STK32B: variants seen among roughly 807,000 people sequenced by gnomAD.
The protein encoded by STK32B is serine/threonine kinase 32B, also known as serine/threonine-protein kinase 32B.
In STK32B, 43 loss-of-function variants were observed where a neutral mutation model predicts 52.6. The observed-to-expected ratio is 0.82, with a 90% CI of 0.64 to 1.05. STK32B has a LOEUF of 1.05. Ranked by LOEUF, STK32B falls within the 50% of genes least tolerant of loss-of-function variation. The pLI is 0.00. For missense variants in STK32B, 621 were observed against 534.6 expected (o/e 1.16, Z -1.59); for synonymous variants, 238 against 204.3 (o/e 1.17, Z -1.41).
chr4:5,259,960 A>G (rs1726589597), intron 3 of STK32B, among the ~76,000 whole-genome samples: 3 of 151,880 alleles, frequency 2.0e-5, no homozygotes, highest in African/African-American at 7.3e-5. Context: ...GAGTTTCCAC[A>G]CTGAGGAGCA....
At chr4:5,446,879 C>T in intron 7 of STK32B, 103 bp downstream of exon 7, 2 of 1,106,190 alleles carry the variant, frequency 1.8e-6, no homozygotes, top group Non-Finnish European at 2.7e-6. Flanking sequence ...CAGGAAGGAG[C>T]ACTGGGGGAG....
At position 5,399,960 on chromosome 4, in the gene STK32B, G is replaced by C. The variant is rs541296636; in HGVS notation, c.472+1716G>C. On this transcript the variant is annotated intron_variant, in intron 5 of 11. Transcript: ENST00000282908. This position sits in a 1 kb window ranked among gnomAD's most constrained non-coding sequence, Gnocchi z 5.4. ...TTAGCTGTCTGGAAAGCAGGGGTCTGGAAGGCTGGGTTCCAGGCAGCATCC... is the reference window on the plus strand; with the variant it reads ...TTAGCTGTCTGGAAAGCAGGGGTCTCGAAGGCTGGGTTCCAGGCAGCATCC... 2.6e-5 allele frequency among the ~76,000 whole-genome samples: 4 copies of C among 152,330 alleles called. No homozygotes were observed. Among genetic ancestry groups the C allele is most frequent in the African/African-American group, 9.6e-5 (4 of 41,572 alleles).
intron 3 of STK32B, among the ~76,000 whole-genome samples, chr4:5,309,948 C>T (rs943717887): frequency 5.9e-5 from 9 of 152,050 alleles, no homozygotes; most frequent in African/African-American, 2.2e-4. Flanking sequence ...AGTGGATCAC[C>T]TGAGGTCAGG....
chr4:5,110,272 C>CAAAAAAAAAAAAAAA (rs367760309), intron 1 of STK32B, among the ~76,000 whole-genome samples: 1 of 106,720 alleles, frequency 9.4e-6, no homozygotes, highest in Non-Finnish European at 1.9e-5. Flanking sequence ...CATATGGAAC[C>CAAAAAAAAAAAAAAA]AAAAAAAAAA....
In STK32B at chr4:5,436,546, A is replaced by C. The variant is rs558905740; in HGVS notation, c.563-10127A>C. ...GTCAGCAGTGAGAAGGACAGATTGG[A>C]GGTCTCTCTGGGTCCAGAGGCCCAG... On this transcript the variant is annotated intron_variant, in intron 6 of 11. Coordinates refer to ENST00000282908, the MANE Select transcript of STK32B (RefSeq NM_018401.3). 65 of 972,790 alleles carry C rather than the reference A, an allele frequency of 6.7e-5. 2 individuals carry two copies. In the South Asian group the frequency reaches 2.8e-3, roughly 41 times the overall value. 60.3% of individuals were successfully genotyped at this position (972,790 alleles called of 1,614,324 possible).
intron 1 of STK32B, among the ~76,000 whole-genome samples, chr4:5,134,030 A>G (rs1224848981): frequency 1.3e-5 from 2 of 152,166 alleles, no homozygotes; most frequent in African/African-American, 4.8e-5. Context: ...CTCTCTCCCC[A>G]TCAACAGATA....
chr4:5,170,434 T>C (rs1029267242), intron 3 of STK32B, among the ~76,000 whole-genome samples: 2 of 152,170 alleles, frequency 1.3e-5, no homozygotes, highest in African/African-American at 4.8e-5. Flanking sequence ...ACATTAGGTA[T>C]ATCTCCTAAT....
At chr4:5,277,940 G>GT (rs1727940611) in intron 3 of STK32B, among the ~76,000 whole-genome samples, 1 of 152,160 alleles carries the variant, frequency 6.6e-6, no homozygotes, top group South Asian at 2.1e-4. Flanking sequence ...GAATAAATGA[G>GT]TGAGTGACCT....
intron 3 of STK32B, among the ~76,000 whole-genome samples, chr4:5,204,913 T>A (rs1722449627): frequency 6.6e-6 from 1 of 152,222 alleles, no homozygotes; most frequent in African/African-American, 2.4e-5. Context: ...GTCTACAGAT[T>A]GCTGCAATAG....
chr4:5,210,334 C>T (rs886111343), intron 3 of STK32B, among the ~76,000 whole-genome samples: 2 of 152,124 alleles, frequency 1.3e-5, no homozygotes, highest in Admixed American at 6.6e-5. Context: ...TGCCCTTCCC[C>T]ATCTCCTCGG....
At chr4:5,249,082 AAAAAAT>A (rs869128168) in intron 3 of STK32B, among the ~76,000 whole-genome samples, 1 of 150,002 alleles carries the variant, frequency 6.7e-6, no homozygotes, top group East Asian at 2.0e-4. Flanking sequence ...TATGATAATA[AAAAAAT>A]AAAATAAAGA....
intron 11 of STK32B, among the ~76,000 whole-genome samples, chr4:5,479,277 G>A (rs891834841): frequency 6.6e-6 from 1 of 151,676 alleles, no homozygotes; most frequent in Non-Finnish European, 1.5e-5. Flanking sequence ...CCACCACCAC[G>A]CCCAGCTAAT....
chr4:5,151,126 T>A (rs891902393), intron 2 of STK32B, among the ~76,000 whole-genome samples: 1 of 152,180 alleles, frequency 6.6e-6, no homozygotes, highest in Non-Finnish European at 1.5e-5. Context: ...AAGGTCTATT[T>A]CTAAGTTGCT....
chr4:5,273,752 A>C (rs1295856383), intron 3 of STK32B, among the ~76,000 whole-genome samples: 12 of 138,872 alleles, frequency 8.6e-5, no homozygotes, highest in Non-Finnish European at 1.7e-4. Flanking sequence ...ACAAAAAACC[A>C]AACACCACAT....
Position 5,460,324 on chromosome 4 carries a change from G to C in STK32B, c.909+96G>C, listed in dbSNP as rs1716936635. The C allele has an allele frequency of 1.3e-6, 2 of 1,509,194 alleles. No homozygotes were observed. Among genetic ancestry groups the C allele is most frequent in the Non-Finnish European group, 1.8e-6 (2 of 1,126,064 alleles). 93.5% of individuals were successfully genotyped at this position (1,509,194 alleles called of 1,614,324 possible). A position where few individuals can be genotyped will look rare whatever the true frequency, so the allele number is the denominator to read the frequency against. The stretch of plus-strand genomic sequence containing the variant: ...TTGGCAGCTGGCTAGTGAGCCCTCT[G>C]CTGGCCACTTCCACCTGAGCACCAA... On this transcript the variant is annotated intron_variant, in intron 9 of 11. Coordinates refer to ENST00000282908, the MANE Select transcript of STK32B (RefSeq NM_018401.3). This position sits in a 1 kb window ranked among gnomAD's most constrained non-coding sequence, Gnocchi z 4.8.
chr4:5,256,909 G>T (rs1726340686), intron 3 of STK32B, among the ~76,000 whole-genome samples: 1 of 152,196 alleles, frequency 6.6e-6, no homozygotes, highest in Non-Finnish European at 1.5e-5. Context: ...CTAGCTCCTT[G>T]ACAACTAGCA....
At chr4:5,439,938 G>T (rs1024610990) in intron 6 of STK32B, among the ~76,000 whole-genome samples, 3 of 152,066 alleles carry the variant, frequency 2.0e-5, no homozygotes, top group Non-Finnish European at 4.4e-5. Context: ...ATTTCTAAGG[G>T]CTCTGTTGTG....
At chr4:5,333,796 G>GA (rs1265134990) in intron 4 of STK32B, among the ~76,000 whole-genome samples, 8 of 151,330 alleles carry the variant, frequency 5.3e-5, no homozygotes, top group East Asian at 1.9e-4. Flanking sequence ...TAGATATGCG[G>GA]CTTATTTCTG....
intron 4 of STK32B, chr4:5,345,443 C>T (rs1284321406): frequency 2.0e-5 from 3 of 151,908 alleles, no homozygotes; most frequent in Non-Finnish European, 1.5e-5. Context: ...ATAAACGATA[C>T]ACTAAAAGCA....
Sources: allele counts gnomAD v4.1 joint callset (sites outside exome capture counted in the v4.1 genomes callset), GRCh38; gene constraint gnomAD v4.1.1; non-coding constraint Gnocchi (gnomAD v3.1); transcripts MANE v1.5; gene names NCBI Gene and HGNC (gene_info 2026-07-23, HGNC 2026-07-21).